Variants in YAE1 observed in about 807,000 individuals in gnomAD.
YAE1 encodes the protein protein YAE1 homolog.
In YAE1, 22 loss-of-function variants were observed where a neutral mutation model predicts 23.0. That is an observed-to-expected ratio of 0.96 (90% CI 0.68 to 1.37). YAE1 has a LOEUF of 1.37. Among genes scored for constraint, YAE1 ranks in the 40% most tolerant of loss-of-function variants. The pLI is 0.00. For synonymous variants in YAE1, 101 were observed against 97.0 expected (o/e 1.04, Z -0.24); for missense variants, 260 against 262.1 (o/e 0.99, Z 0.06).
intron 2 of YAE1, among the ~76,000 whole-genome samples, chr7:39,582,701 A>C (rs1048485330): frequency 2.0e-5 from 3 of 152,222 alleles, no homozygotes; most frequent in African/African-American, 7.2e-5. Flanking sequence ...CTGAGGTCAG[A>C]GATGGGATTT....
intron 2 of YAE1, among the ~76,000 whole-genome samples, chr7:39,600,104 T>C (rs1791035082): frequency 6.6e-6 from 1 of 152,332 alleles, no homozygotes; most frequent in East Asian, 1.9e-4. Context: ...GTAAGGACCG[T>C]ATCCAATTTA....
downstream of YAE1, chr7:39,610,338 T>C (rs1241814939): frequency 4.2e-5 from 20 of 474,948 alleles, no homozygotes; most frequent in Non-Finnish European, 7.8e-5. Flanking sequence ...TTGCTATACA[T>C]TTTTTGCAAC....
chr7:39,609,142 T>C (rs1791169446), intron 2 of YAE1, among the ~76,000 whole-genome samples: 1 of 152,186 alleles, frequency 6.6e-6, no homozygotes, highest in African/African-American at 2.4e-5. Flanking sequence ...TGAGGAAGAA[T>C]CACAGGATAA....
chr7:39,587,047 C>A (rs1043397398), intron 2 of YAE1, among the ~76,000 whole-genome samples: 1 of 138,992 alleles, frequency 7.2e-6, no homozygotes, highest in Admixed American at 7.3e-5. Flanking sequence ...TCTTTCTTTT[C>A]TTTCTTTCTC....
chr7:39,605,640 T>C (rs1791118953), intron 2 of YAE1, among the ~76,000 whole-genome samples: 1 of 152,192 alleles, frequency 6.6e-6, no homozygotes, highest in East Asian at 1.9e-4. Flanking sequence ...TCAGACAAAC[T>C]ATACATTGGC....
downstream of YAE1, among the ~76,000 whole-genome samples, chr7:39,612,046 G>A (rs184456651): frequency 6.6e-6 from 1 of 152,192 alleles, no homozygotes; most frequent in Non-Finnish European, 1.5e-5. Context: ...TTCATTATAT[G>A]GTGTTAACAA....
At chr7:39,605,727 T>TTC (rs758874699) in intron 2 of YAE1, among the ~76,000 whole-genome samples, 5 of 152,104 alleles carry the variant, frequency 3.3e-5, no homozygotes, top group Non-Finnish European at 5.9e-5. Context: ...CAATCTTTTT[T>TTC]TCTCTCTCTC....
At chr7:39,567,911 CCTTTAAGGAGTATGCT>C (rs1306199246) in intron 1 of YAE1, among the ~76,000 whole-genome samples, 1 of 151,942 alleles carries the variant, frequency 6.6e-6, no homozygotes, top group Admixed American at 6.6e-5. Context: ...CTATGTATGC[CCTTTAAGGAGTATGCT>C]CTTTAAGGAG....
At chr7:39,608,522 A>T (rs1013479080) in intron 2 of YAE1, among the ~76,000 whole-genome samples, 3 of 152,210 alleles carry the variant, frequency 2.0e-5, no homozygotes, top group African/African-American at 7.2e-5. Flanking sequence ...TGGCAAAGAT[A>T]AGATCTCTCA....
intron 2 of YAE1, among the ~76,000 whole-genome samples, chr7:39,599,887 C>A (rs1019129886): frequency 2.0e-5 from 3 of 151,954 alleles, no homozygotes; most frequent in Non-Finnish European, 2.9e-5. Flanking sequence ...CCGTGCCCGG[C>A]CTGAAGTGTT....
chr7:39,584,729 T>C (rs1018227937), intron 2 of YAE1, among the ~76,000 whole-genome samples: 2 of 151,988 alleles, frequency 1.3e-5, no homozygotes, highest in Non-Finnish European at 2.9e-5. Flanking sequence ...GTAAAAAGCA[T>C]GTAGTATGGT....
chr7:39,582,471 T>C (rs112057617), intron 2 of YAE1, among the ~76,000 whole-genome samples: 49 of 152,336 alleles, frequency 3.2e-4, no homozygotes, highest in African/African-American at 1.2e-3. Flanking sequence ...ATTAAAAGTA[T>C]TTTCATTTAA....
intron 2 of YAE1, among the ~76,000 whole-genome samples, chr7:39,602,684 A>C (rs933911074): frequency 6.6e-6 from 1 of 152,240 alleles, no homozygotes; most frequent in African/African-American, 2.4e-5. Flanking sequence ...TTGCAGAGGC[A>C]GGTAGAAGAA....
Position 39,572,542 on chromosome 7 carries a change from A to C in YAE1, c.517A>C (p.Lys173Gln). Residue 173 changes from lysine to glutamine, a missense_variant, in exon 3 of 3, where the codon AAG becomes CAG. Physicochemically the swap from Lys to Gln is moderately conservative, Grantham distance 53 (BLOSUM62 1). Coordinates refer to ENST00000223273, the MANE Select transcript of YAE1 (RefSeq NM_020192.5). ...NNAEFNKNCS[K>Q]SHSGIDCSYV... Reference sequence around the variant, plus strand: ...TGCTGAGTTTAACAAAAACTGTAGCAAGAGCCATAGTGGGATAGATTGTTC... The same window carrying C: ...TGCTGAGTTTAACAAAAACTGTAGCCAGAGCCATAGTGGGATAGATTGTTC... 9 of 1,614,172 alleles carry C rather than the reference A, an allele frequency of 5.6e-6. No individual in the cohort carries two copies. The highest frequency in any genetic ancestry group is 7.6e-6 in the Non-Finnish European group (9 of 1,179,992).
downstream of YAE1, among the ~76,000 whole-genome samples, chr7:39,611,149 A>G (rs1791209016): frequency 6.7e-6 from 1 of 150,054 alleles, no homozygotes; most frequent in African/African-American, 2.5e-5. Flanking sequence ...TTCCATCTCA[A>G]AGAAAAAAAA....
At chr7:39,571,253 T>A (rs971997957) in intron 2 of YAE1, among the ~76,000 whole-genome samples, 12 of 151,136 alleles carry the variant, frequency 7.9e-5, no homozygotes, top group Non-Finnish European at 1.8e-4. Flanking sequence ...ATGAAATTTT[T>A]TTCATGATAT....
At chr7:39,596,697 A>G (rs1394882430) in intron 2 of YAE1, among the ~76,000 whole-genome samples, 2 of 152,038 alleles carry the variant, frequency 1.3e-5, no homozygotes, top group African/African-American at 4.8e-5. Flanking sequence ...CGTTACGTGA[A>G]AAGTGCCTAT....
At position 39,589,625 on chromosome 7, in the gene YAE1, AC is replaced by A. The variant is rs550065149; in HGVS notation, c.251+18999del. On this transcript the variant is annotated intron_variant, in intron 2 of 2. Coordinates refer to the YAE1 transcript ENST00000432096. ...TAAATTTGTATTTCTCATAACTATTACTAATAGAAAGATAATCCATTAATCC... is the reference window on the plus strand; with the variant it reads ...TAAATTTGTATTTCTCATAACTATTATAATAGAAAGATAATCCATTAATCC... 2.6e-4 allele frequency among the ~76,000 whole-genome samples: 39 copies of A among 152,316 alleles called. No homozygotes were observed. In the South Asian group the frequency reaches 7.5e-3, roughly 29 times the overall value.
chr7:39,599,783 G>C (rs1222221197), intron 2 of YAE1, among the ~76,000 whole-genome samples: 1 of 151,360 alleles, frequency 6.6e-6, no homozygotes, highest in Non-Finnish European at 1.5e-5. Flanking sequence ...GTCCAGGCTG[G>C]AGTGCATGTT....
Sources: gnomAD v4.1 joint callset for allele counts (sites outside exome capture counted in the v4.1 genomes callset) on GRCh38, gnomAD v4.1.1 for gene constraint, MANE v1.5 for transcripts, NCBI Gene and HGNC (gene_info 2026-07-23, HGNC 2026-07-21) for gene names.